The following WDFY2 variants were observed in gnomAD, a reference collection of about 807,000 sequenced individuals.
The protein encoded by WDFY2 is WD repeat and FYVE domain-containing protein 2.
Under a neutral mutation model 56.4 loss-of-function variants are expected in WDFY2, and 36 were observed. The observed-to-expected ratio is 0.64, with a 90% CI of 0.49 to 0.84. WDFY2 has a LOEUF of 0.84. WDFY2 is among the 40% of genes least tolerant of loss of function. The probability of loss-of-function intolerance (pLI) is 0.00; values close to 1 mark genes in which losing one functional copy is unlikely to be tolerated. For synonymous variants in WDFY2, 176 were observed against 183.7 expected (o/e 0.96, Z 0.34); for missense variants, 444 against 512.2 (o/e 0.87, Z 1.29).
At chr13:51,694,178 T>C (rs2138556023) in intron 3 of WDFY2, among the ~76,000 whole-genome samples, 1 of 152,304 alleles carries the variant, frequency 6.6e-6, no homozygotes, top group African/African-American at 2.4e-5. Flanking sequence ...ATTTAGTCCA[T>C]TTACATTTAA....
rs180996165 is a variant in WDFY2, at chr13:51,689,582, C to T, written c.280-14014C>T. Among the ~76,000 whole-genome samples the T allele has an allele frequency of 1.6e-3, 247 of 152,150 alleles. 1 individual carries two copies. The highest frequency in any genetic ancestry group is 3.0e-3 in the Non-Finnish European group (207 of 67,978). ...TGACATGGGGTTTCCTTATGGAGTT[C>T]GGAGCCTAAGTGGGGGATTTGCATT... is the stretch of plus-strand genomic sequence containing the variant. On this transcript the variant is annotated intron_variant, in intron 3 of 11. Coordinates refer to ENST00000298125, the MANE Select transcript of WDFY2 (RefSeq NM_052950.4).
intron 7 of WDFY2, among the ~76,000 whole-genome samples, chr13:51,740,920 T>C (rs1012695764): frequency 6.6e-6 from 1 of 152,202 alleles, no homozygotes. Context: ...GCAAGCACTT[T>C]TGCACGATTT....
At chr13:51,639,585 A>C (rs1164217478) in intron 1 of WDFY2, among the ~76,000 whole-genome samples, 3 of 152,100 alleles carry the variant, frequency 2.0e-5, no homozygotes, top group Non-Finnish European at 4.4e-5. Flanking sequence ...AGTTTGTGAG[A>C]AATGGTTAGT....
At chr13:51,682,910 A>G (rs1197689064) in intron 3 of WDFY2, among the ~76,000 whole-genome samples, 14 of 152,148 alleles carry the variant, frequency 9.2e-5, no homozygotes, top group Admixed American at 8.5e-4. Flanking sequence ...GGACTATTCA[A>G]CTTATTTCTG....
At chr13:51,614,217 C>T (rs1276674656) in intron 1 of WDFY2, among the ~76,000 whole-genome samples, 3 of 147,988 alleles carry the variant, frequency 2.0e-5, no homozygotes, top group African/African-American at 7.4e-5. Flanking sequence ...AAAAGTGTAT[C>T]TGTGAATAGA....
chr13:51,716,259 A>G (rs998958078), intron 4 of WDFY2, among the ~76,000 whole-genome samples: 3 of 152,212 alleles, frequency 2.0e-5, no homozygotes, highest in Non-Finnish European at 4.4e-5. Flanking sequence ...TTTTGGGATG[A>G]TGGAAATGTT....
At chr13:51,679,434 G>A (rs1955941366) in intron 3 of WDFY2, among the ~76,000 whole-genome samples, 1 of 152,012 alleles carries the variant, frequency 6.6e-6, no homozygotes, top group Admixed American at 6.6e-5. Flanking sequence ...CCTTAAAATG[G>A]TAAAATCTCT....
intron 3 of WDFY2, among the ~76,000 whole-genome samples, chr13:51,690,529 C>A (rs1956135004): frequency 6.6e-6 from 1 of 152,044 alleles, no homozygotes; most frequent in African/African-American, 2.4e-5. Context: ...GTGAACTCAT[C>A]ATTTTTTATG....
At chr13:51,634,492 T>C (rs1955009361) in intron 1 of WDFY2, among the ~76,000 whole-genome samples, 1 of 152,184 alleles carries the variant, frequency 6.6e-6, no homozygotes. Context: ...CTTTTGTAAA[T>C]TTATAATACT....
chr13:51,737,327 AATAG>A (rs974298540), intron 6 of WDFY2, among the ~76,000 whole-genome samples: 1 of 152,124 alleles, frequency 6.6e-6, no homozygotes, highest in Non-Finnish European at 1.5e-5. Context: ...TTAACCCATT[AATAG>A]ATGTCATATG....
intron 1 of WDFY2, among the ~76,000 whole-genome samples, chr13:51,646,987 T>A (rs1408170789): frequency 6.6e-6 from 1 of 152,150 alleles, no homozygotes; most frequent in African/African-American, 2.4e-5. Context: ...CGTATAGACT[T>A]TTTTTCCTTT....
Position 51,739,060 on chromosome 13 carries a change from G to T in WDFY2, c.610G>T (p.Ala204Ser), listed in dbSNP as rs138993465. The T allele has an allele frequency of 3.8e-6, 6 of 1,583,682 alleles. No homozygotes were observed. The African/African-American group carries it at 6.8e-5, about 18-fold the overall frequency. The change falls in exon 7 of 12, where the codon GCT becomes TCT. Residue 204 changes from alanine (A) to serine (S), a missense_variant. By Grantham distance (99) the Ala-to-Ser change is moderately conservative (BLOSUM62 1). Coordinates refer to ENST00000298125, the MANE Select transcript of WDFY2 (RefSeq NM_052950.4). ...TFRGHTGGVTALCWDPVQRVL... is the reference protein window; with the variant it reads ...TFRGHTGGVTSLCWDPVQRVL... ...GTCTGTCCTCTCAGGTGGGGTGACCGCTCTCTGTTGGGACCCAGTCCAGCG... is the reference window on the plus strand; with the variant it reads ...GTCTGTCCTCTCAGGTGGGGTGACCTCTCTCTGTTGGGACCCAGTCCAGCG...
intron 1 of WDFY2, among the ~76,000 whole-genome samples, chr13:51,594,762 C>T (rs1326655745): frequency 6.6e-6 from 1 of 152,162 alleles, no homozygotes; most frequent in African/African-American, 2.4e-5. Context: ...AGTAATGACT[C>T]GTCCTAGTGT....
chr13:51,654,531 G>A (rs938463923), intron 1 of WDFY2, among the ~76,000 whole-genome samples: 7 of 152,108 alleles, frequency 4.6e-5, no homozygotes, highest in African/African-American at 1.4e-4. Flanking sequence ...GTTCCTGATC[G>A]GCCATCTTGG....
chr13:51,652,069 T>G (rs1285236462), intron 1 of WDFY2, among the ~76,000 whole-genome samples: 1 of 152,220 alleles, frequency 6.6e-6, no homozygotes, highest in African/African-American at 2.4e-5. Flanking sequence ...AAGGACTTGC[T>G]TTATGTATCT....
intron 7 of WDFY2, among the ~76,000 whole-genome samples, chr13:51,747,806 C>A (rs564966316): frequency 1.3e-5 from 2 of 152,364 alleles, no homozygotes; most frequent in South Asian, 4.1e-4. Context: ...GCTGGAATTA[C>A]AGGCATGAGC....
At chr13:51,719,558 CT>C (rs1307271502) in intron 5 of WDFY2, among the ~76,000 whole-genome samples, 1 of 152,178 alleles carries the variant, frequency 6.6e-6, no homozygotes, top group Non-Finnish European at 1.5e-5. Context: ...AAATAATAGA[CT>C]GCTGAGCCAT....
chr13:51,705,836 A>G (rs1359756665), intron 4 of WDFY2, among the ~76,000 whole-genome samples: 1 of 152,160 alleles, frequency 6.6e-6, no homozygotes, highest in Non-Finnish European at 1.5e-5. Context: ...TTTTTAGCCT[A>G]AATGCTGGAC....
chr13:51,585,393 C>T (rs1469852193), intron 1 of WDFY2, among the ~76,000 whole-genome samples: 1 of 152,222 alleles, frequency 6.6e-6, no homozygotes, highest in Non-Finnish European at 1.5e-5. Context: ...GCCTTCTTTC[C>T]TTTCCCCTCC....
Sources: gnomAD v4.1 joint callset for allele counts (sites outside exome capture counted in the v4.1 genomes callset) on GRCh38, gnomAD v4.1.1 for gene constraint, MANE v1.5 for transcripts, NCBI Gene and HGNC (gene_info 2026-07-23, HGNC 2026-07-21) for gene names.